NRK: variants seen among roughly 807,000 people sequenced by gnomAD.
The protein encoded by NRK is Nik related kinase.
NRK carries 67 observed loss-of-function variants against 125.2 expected under a neutral mutation model. That is an observed-to-expected ratio of 0.54 (90% CI 0.44 to 0.66). The LOEUF is 0.66. Ranked by LOEUF, NRK falls within the 30% of genes least tolerant of loss-of-function variation. NRK has a pLI of 0.00. For synonymous variants in NRK, 458 were observed against 429.0 expected (o/e 1.07, Z -0.84); for missense variants, 1,224 against 1,192.9 (o/e 1.03, Z -0.38).
chrX:105,924,783 C>G lies in NRK; in HGVS notation c.3064C>G (p.His1022Asp), dbSNP rs373330300. The stretch of plus-strand genomic sequence containing the variant: ...GGAAGCCTACAGAGGCTATGGAAGC[C>G]ATACAGCCAATAGAAGCCATGGAGG... The part of the protein sequence containing the change: ...KEEAYRGYGS[H>D]TANRSHGGSA... The change falls in exon 19 of 29, where the codon CAT becomes GAT. Residue 1022 changes from histidine to aspartate, a missense_variant. Transcript: ENST00000243300. 8.3e-7 allele frequency: 1 copy of G among 1,207,020 alleles called. No homozygotes were observed. The highest frequency in any genetic ancestry group is 1.1e-6 in the Non-Finnish European group (1 of 893,263).
Position 105,952,115 on chromosome X carries a change from G to T in NRK, c.4514-919G>T, listed in dbSNP as rs441664. Among the ~76,000 whole-genome samples the T allele has an allele frequency of 6.9e-3, 778 of 111,953 alleles. 8 individuals carry two copies. The highest frequency in any genetic ancestry group is 0.059 in the South Asian group (161 of 2,740). Reference sequence around the variant, plus strand: ...TTATTCCTTTTATAATAGAAAAAATGAAAAATCAAAGTAATTAATTGAATT... The same window carrying T: ...TTATTCCTTTTATAATAGAAAAAATTAAAAATCAAAGTAATTAATTGAATT... On this transcript the variant is annotated intron_variant, in intron 27 of 28. Transcript: ENST00000243300.
intron 19 of NRK, among the ~76,000 whole-genome samples, chrX:105,926,519 A>C (rs1382217451): frequency 5.4e-5 from 6 of 110,796 alleles, no homozygotes. Flanking sequence ...ATATAATTCT[A>C]TTTGTCTATT....
In NRK at chrX:105,949,661, C is replaced by T. The variant is rs2040865111; in HGVS notation, c.4440C>T (p.Ala1480=). 4.2e-6 allele frequency: 5 copies of T among 1,197,510 alleles called. No homozygotes were observed. The highest frequency in any genetic ancestry group is 5.7e-6 in the Non-Finnish European group (5 of 883,682). The stretch of plus-strand genomic sequence containing the variant: ...TGATGCTCACCTTCAATGCTGAAGC[C>T]CTCTCTGTGGAAGCAAATGAACAAC... ...IGMMLTFNAE[A]LSVEANEQLF... The change falls in exon 27 of 29, where the codon GCC becomes GCT. Residue 1480 remains alanine (A), a synonymous_variant. Coordinates refer to ENST00000243300, the MANE Select transcript of NRK (RefSeq NM_198465.4).
At chrX:105,833,561 A>G (rs1213078995) in intron 2 of NRK, among the ~76,000 whole-genome samples, 4 of 111,482 alleles carry the variant, frequency 3.6e-5, no homozygotes, top group Non-Finnish European at 7.5e-5. Context: ...TTAAAATTAG[A>G]CAACACAGAA....
At chrX:105,954,109 A>T (rs2040940666) in intron 28 of NRK, among the ~76,000 whole-genome samples, 1 of 111,434 alleles carries the variant, frequency 9.0e-6, no homozygotes, top group Non-Finnish European at 1.9e-5. Context: ...AATATTAATA[A>T]CTGCTTTGGG....
rs1317412707 is a variant in NRK at position 105,917,606 on chromosome X, G to A, written c.2446G>A (p.Ala816Thr). ...TCCTCAGCGGTCTCTTTTGGAACAA[G>A]CTCAGAAGCCCATTGACATCAGACA... Reference protein sequence around the residue: ...SVPQRSLLEQAQKPIDIRQRS... With the variant: ...SVPQRSLLEQTQKPIDIRQRS... The change falls in exon 16 of 29, where the codon GCT (alanine) becomes ACT (threonine). Residue 816 changes from alanine (A) to threonine (T), a missense_variant. By Grantham distance (58) the Ala-to-Thr change is moderately conservative (BLOSUM62 0). Coordinates refer to ENST00000243300, the MANE Select transcript of NRK (RefSeq NM_198465.4). 9 of 1,172,904 alleles carry A rather than the reference G, an allele frequency of 7.7e-6. No homozygotes were observed. The East Asian group carries it at 2.8e-4, about 36-fold the overall frequency.
At chrX:105,831,015 C>T (rs1050936387) in intron 1 of NRK, 39 bp from the exon 2 acceptor site, 3 of 842,747 alleles carry the variant, frequency 3.6e-6, no homozygotes, top group Non-Finnish European at 5.3e-6. Context: ...CACCTAATTT[C>T]CTAAGAAGAT....
chrX:105,862,461 A>G (rs1215860964), intron 2 of NRK, among the ~76,000 whole-genome samples: 5 of 111,571 alleles, frequency 4.5e-5, no homozygotes, highest in Non-Finnish European at 9.4e-5. Context: ...ACACAAATTA[A>G]AGCTAATCAT....
chrX:105,900,580 ATT>A, intron 8 of NRK, 36 bp from the exon 9 acceptor site: 1 of 1,034,365 alleles, frequency 9.7e-7, no homozygotes, highest in Non-Finnish European at 1.3e-6. Context: ...CCAATTTCCT[ATT>A]TTTAAGTGAC....
chrX:105,917,701 C>CA, intron 16 of NRK, 29 bp downstream of exon 16: 1 of 754,329 alleles, frequency 1.3e-6, no homozygotes. Flanking sequence ...TTTTAGCAGG[C>CA]AAAACACAGA....
At chrX:105,903,289 A>T (rs1205141196) in intron 9 of NRK, among the ~76,000 whole-genome samples, 2 of 110,389 alleles carry the variant, frequency 1.8e-5, no homozygotes, top group Admixed American at 9.7e-5. Flanking sequence ...ATTCTCAATG[A>T]TGCTTCTTTA....
chrX:105,829,287 A>G (rs1010306625), intron 1 of NRK, among the ~76,000 whole-genome samples: 18 of 112,344 alleles, frequency 1.6e-4, no homozygotes, highest in African/African-American at 5.5e-4. Context: ...AGATTACACA[A>G]ATATCACGGC....
chrX:105,865,245 A>G (rs1218048307), intron 2 of NRK, among the ~76,000 whole-genome samples: 2 of 111,421 alleles, frequency 1.8e-5, no homozygotes, highest in Non-Finnish European at 3.8e-5. Context: ...AGTGGAGAGT[A>G]GCAGTGTATT....
intron 11 of NRK, 103 bp downstream of exon 11, chrX:105,906,692 T>C (rs1386212388): frequency 2.2e-6 from 1 of 456,202 alleles, no homozygotes; most frequent in Non-Finnish European, 3.5e-6. Context: ...AGATTGAAAA[T>C]AAAACTTCTG....
intron 16 of NRK, among the ~76,000 whole-genome samples, chrX:105,921,474 A>C (rs1376830590): frequency 9.3e-6 from 1 of 108,024 alleles, no homozygotes; most frequent in Non-Finnish European, 1.9e-5. Flanking sequence ...TAAAACTTAA[A>C]GTATAATTAA....
At chrX:105,921,404 T>C (rs192084568) in intron 16 of NRK, among the ~76,000 whole-genome samples, 10,519 of 104,426 alleles carry the variant, frequency 0.1, 1,548 homozygotes, top group African/African-American at 0.36. Flanking sequence ...GTGGGTGCAG[T>C]GCACCAGCAT....
At chrX:105,865,677 TAATA>T (rs1446069511) in intron 2 of NRK, among the ~76,000 whole-genome samples, 1 of 111,747 alleles carries the variant, frequency 8.9e-6, no homozygotes, top group Non-Finnish European at 1.9e-5. Flanking sequence ...TTTTGTATAT[TAATA>T]AATAAAATTG....
chrX:105,894,457 C>A (rs902376503), intron 6 of NRK, among the ~76,000 whole-genome samples: 3 of 111,749 alleles, frequency 2.7e-5, no homozygotes, highest in Non-Finnish European at 5.6e-5. Context: ...CAAATTCCAT[C>A]TTTTGTGACT....
intron 2 of NRK, among the ~76,000 whole-genome samples, chrX:105,848,649 A>G (rs2039431729): frequency 8.9e-6 from 1 of 111,864 alleles, no homozygotes; most frequent in Admixed American, 9.5e-5. Flanking sequence ...AATCAGCCTT[A>G]AGTTACTGCA....
Sources: gnomAD v4.1 joint callset for allele counts (sites outside exome capture counted in the v4.1 genomes callset) on GRCh38, gnomAD v4.1.1 for gene constraint, MANE v1.5 for transcripts, NCBI Gene and HGNC (gene_info 2026-07-23, HGNC 2026-07-21) for gene names.